The following SCRG1 variants were observed in gnomAD, a reference collection of about 807,000 sequenced individuals.
SCRG1 encodes the protein stimulator of chondrogenesis 1.
Under a neutral mutation model 7.7 loss-of-function variants are expected in SCRG1, and 3 were observed. That is an observed-to-expected ratio of 0.39 (90% CI 0.18 to 1.01). The LOEUF (loss-of-function observed/expected upper bound fraction) is 1.01. SCRG1 is among the 50% of genes least tolerant of loss of function. The probability of loss-of-function intolerance (pLI) is 0.36; values close to 1 mark genes in which losing one functional copy is unlikely to be tolerated. For synonymous variants in SCRG1, 46 were observed against 41.2 expected (o/e 1.12, Z -0.44); for missense variants, 110 against 117.2 (o/e 0.94, Z 0.28).
chr4:173,482,274 C>A, the SCRG1 span, among the ~76,000 whole-genome samples: 3 of 152,038 alleles, frequency 2.0e-5, no homozygotes, highest in Non-Finnish European at 4.4e-5. Flanking sequence ...GTGTTAATAT[C>A]CTCATTTAGA....
the SCRG1 span, among the ~76,000 whole-genome samples, chr4:173,450,484 T>C: frequency 2.0e-5 from 3 of 152,166 alleles, no homozygotes; most frequent in South Asian, 2.1e-4. Flanking sequence ...ATGACTCATA[T>C]TGGGCAGTGA....
chr4:173,472,235 T>G, the SCRG1 span, among the ~76,000 whole-genome samples: 1 of 152,232 alleles, frequency 6.6e-6, no homozygotes. Flanking sequence ...TGTTTACATG[T>G]AGTCTACCTT....
At chr4:173,466,343 C>G in the SCRG1 span, among the ~76,000 whole-genome samples, 1 of 152,242 alleles carries the variant, frequency 6.6e-6, no homozygotes, top group Admixed American at 6.5e-5. Flanking sequence ...GGAAGGGAAT[C>G]CAAGTGAAGA....
At chr4:173,502,338 G>A in the SCRG1 span, among the ~76,000 whole-genome samples, 2 of 152,286 alleles carry the variant, frequency 1.3e-5, no homozygotes, top group South Asian at 4.1e-4. This position sits in a 1 kb window ranked among gnomAD's most constrained non-coding sequence, Gnocchi z 4.6. Context: ...GACTCTGAAA[G>A]GGAATGGGAA....
chr4:173,421,341 A>G, the SCRG1 span, among the ~76,000 whole-genome samples: 1 of 151,946 alleles, frequency 6.6e-6, no homozygotes, highest in Non-Finnish European at 1.5e-5. Flanking sequence ...AGCTCAATAA[A>G]TTGTCGAATG....
chr4:173,466,878 T>C, the SCRG1 span, among the ~76,000 whole-genome samples: 15 of 152,336 alleles, frequency 9.8e-5, no homozygotes, highest in African/African-American at 3.4e-4. Context: ...ATTTGAAGTA[T>C]GTCAATATTC....
chr4:173,391,427 C>A lies in SCRG1; in HGVS notation c.-13G>T. On this transcript the variant is annotated splice_region_variant and 5_prime_UTR_variant, in exon 2 of 3. Transcript: ENST00000296506. Reference sequence around the variant, plus strand: ...CCATCAGTTTCATTTTGGCTTTTGGCCCTGAAATAGAAGAAAGACCAAAAT... The same window carrying A: ...CCATCAGTTTCATTTTGGCTTTTGGACCTGAAATAGAAGAAAGACCAAAAT... 6.2e-7 allele frequency: 1 copy of A among 1,613,512 alleles called. No homozygotes were observed.
the SCRG1 span, among the ~76,000 whole-genome samples, chr4:173,482,510 C>T: frequency 6.6e-6 from 1 of 152,132 alleles, no homozygotes; most frequent in Admixed American, 6.6e-5. Flanking sequence ...GCTACTCTGT[C>T]CAAAAGAATG....
At chr4:173,475,448 T>C in the SCRG1 span, among the ~76,000 whole-genome samples, 2 of 152,210 alleles carry the variant, frequency 1.3e-5, no homozygotes, top group African/African-American at 2.4e-5. Flanking sequence ...TAAAACTTAC[T>C]GGAAGGCAAA....
At chr4:173,467,281 A>T in the SCRG1 span, among the ~76,000 whole-genome samples, 1 of 152,160 alleles carries the variant, frequency 6.6e-6, no homozygotes, top group Admixed American at 6.6e-5. Flanking sequence ...CATATCATCT[A>T]GCTTTTTGGG....
At chr4:173,485,909 G>T in the SCRG1 span, among the ~76,000 whole-genome samples, 3 of 152,162 alleles carry the variant, frequency 2.0e-5, no homozygotes, top group Non-Finnish European at 4.4e-5. Context: ...GGTGGAGGTT[G>T]CAGTGAGCCG....
rs1000778081 is a variant in SCRG1 at position 173,386,202 on chromosome 4, T to A, written c.*2139A>T. On this transcript the variant is annotated 3_prime_UTR_variant, in exon 3 of 3. Transcript: ENST00000296506. ...CAGGCTGGAGTGCAGTGGCACGATCTCAGCTCACTGCAAGCTCCACCTCCT... is the reference window on the plus strand; with the variant it reads ...CAGGCTGGAGTGCAGTGGCACGATCACAGCTCACTGCAAGCTCCACCTCCT... The A allele has an allele frequency of 1.3e-5, 2 of 152,180 alleles. No individual in the cohort carries two copies. Among genetic ancestry groups the A allele is most frequent in the African/African-American group, 4.8e-5 (2 of 41,392 alleles). 9.4% of individuals were successfully genotyped at this position (152,180 alleles called of 1,614,324 possible).
chr4:173,514,935 C>A, the SCRG1 span, among the ~76,000 whole-genome samples: 1 of 152,142 alleles, frequency 6.6e-6, no homozygotes. Flanking sequence ...TATCCTTTTG[C>A]GGCAATAAAC....
the SCRG1 span, among the ~76,000 whole-genome samples, chr4:173,428,068 CAT>C: frequency 1.3e-5 from 2 of 152,034 alleles, no homozygotes; most frequent in East Asian, 3.9e-4. Context: ...AGACTTTATG[CAT>C]ATGTTTGGGG....
chr4:173,485,063 T>TATATA, the SCRG1 span, among the ~76,000 whole-genome samples: 2 of 6,722 alleles, frequency 3.0e-4, no homozygotes, highest in African/African-American at 3.8e-4. Context: ...TATTATATAT[T>TATATA]ATATATTATA....
chr4:173,480,540 A>C, the SCRG1 span, among the ~76,000 whole-genome samples: 2 of 152,200 alleles, frequency 1.3e-5, no homozygotes, highest in African/African-American at 4.8e-5. Context: ...ATCATTATAC[A>C]ATTCTACATG....
the SCRG1 span, among the ~76,000 whole-genome samples, chr4:173,503,975 G>A: frequency 6.6e-6 from 1 of 152,282 alleles, no homozygotes; most frequent in East Asian, 1.9e-4. The surrounding 1 kb of genome is among the most constrained non-coding windows in gnomAD (Gnocchi z 6.4). Flanking sequence ...CCCACCATAA[G>A]CACGGTGTAG....
the SCRG1 span, among the ~76,000 whole-genome samples, chr4:173,423,462 A>G: frequency 6.6e-6 from 1 of 152,310 alleles, no homozygotes; most frequent in Admixed American, 6.5e-5. Context: ...TTCCCTAATC[A>G]GTTTAGCACA....
At chr4:173,479,922 C>A in the SCRG1 span, among the ~76,000 whole-genome samples, 1 of 152,090 alleles carries the variant, frequency 6.6e-6, no homozygotes, top group Non-Finnish European at 1.5e-5. Context: ...GTGAGAAAAC[C>A]AGGCTCAATG....
Sources: allele counts gnomAD v4.1 joint callset (sites outside exome capture counted in the v4.1 genomes callset), GRCh38; gene constraint gnomAD v4.1.1; non-coding constraint Gnocchi (gnomAD v3.1); transcripts MANE v1.5; gene names NCBI Gene and HGNC (gene_info 2026-07-23, HGNC 2026-07-21).